Variants in PPP3CA observed in about 807,000 individuals in gnomAD.
PPP3CA encodes the protein CAM-PRP catalytic subunit.
In PPP3CA, 14 loss-of-function variants were observed where a neutral mutation model predicts 66.5. That is an observed-to-expected ratio of 0.21 (90% CI 0.14 to 0.33). The LOEUF (loss-of-function observed/expected upper bound fraction) is 0.33, where lower values mean the gene tolerates loss of function less well. Among genes scored for constraint, PPP3CA ranks in the 10% least tolerant of loss-of-function variants. The pLI, the probability that PPP3CA is intolerant of heterozygous loss-of-function variation, is 1.00. For missense variants in PPP3CA, 317 were observed against 639.5 expected (o/e 0.50, Z 5.44); for synonymous variants, 232 against 226.2 (o/e 1.03, Z -0.23).
intron 1 of PPP3CA, among the ~76,000 whole-genome samples, chr4:101,219,225 A>AAGCAAAAT (rs1725548223): frequency 6.6e-6 from 1 of 152,032 alleles, no homozygotes; most frequent in East Asian, 1.9e-4. Context: ...TACTATGTAT[A>AAGCAAAAT]ATCCAGATTA....
chr4:101,113,164 C>A (rs1282650891), intron 2 of PPP3CA, among the ~76,000 whole-genome samples: 1 of 152,124 alleles, frequency 6.6e-6, no homozygotes, highest in Non-Finnish European at 1.5e-5. Context: ...GAATGTGGAA[C>A]CTCCATACAT....
At chr4:101,089,808 T>G (rs1456998687) in intron 6 of PPP3CA, among the ~76,000 whole-genome samples, 1 of 152,198 alleles carries the variant, frequency 6.6e-6, no homozygotes, top group African/African-American at 2.4e-5. Context: ...AATGGTACAT[T>G]GGGGCAAAAT....
intron 1 of PPP3CA, among the ~76,000 whole-genome samples, chr4:101,340,223 G>C (rs1352561728): frequency 6.6e-6 from 1 of 152,136 alleles, no homozygotes; most frequent in African/African-American, 2.4e-5. Context: ...GCAAGAGACA[G>C]AAGTTCACAG....
rs143534605 is a variant in PPP3CA at position 101,318,726 on chromosome 4, G to T, written c.58+28013C>A. ...TAAGGAAGAGATTCAGGTTTCATAG[G>T]TTCTTAAAGTTGGGGTCCAAAACCT... On this transcript the variant is annotated intron_variant, in intron 1 of 13. Coordinates refer to ENST00000394854, the MANE Select transcript of PPP3CA (RefSeq NM_000944.5). Among the ~76,000 whole-genome samples, 524 of 152,176 alleles carry T rather than the reference G, an allele frequency of 3.4e-3. 9 individuals are homozygous for T. The highest frequency in any genetic ancestry group is 0.012 in the African/African-American group (493 of 41,540).
intron 1 of PPP3CA, among the ~76,000 whole-genome samples, chr4:101,272,958 A>G (rs571275023): frequency 2.1e-4 from 32 of 152,356 alleles, no homozygotes; most frequent in Non-Finnish European, 4.1e-4. Flanking sequence ...TAAAGCAGGA[A>G]GGGAGCAGAA....
At position 101,161,414 on chromosome 4, in the gene PPP3CA, T is replaced by A. The variant is rs114888660; in HGVS notation, c.259+34502A>T. On this transcript the variant is annotated intron_variant, in intron 2 of 13. Transcript: ENST00000394854. The stretch of plus-strand genomic sequence containing the variant: ...CATAAGGTGCTGTAATATGGTATAA[T>A]ACATTATACATTTTTCTCAGGCTAT... 8.3e-3 allele frequency among the ~76,000 whole-genome samples: 1,259 copies of A among 152,250 alleles called. 22 individuals carry two copies. The highest frequency in any genetic ancestry group is 0.029 in the African/African-American group (1,209 of 41,510).
At chr4:101,264,376 A>G (rs1727103037) in intron 1 of PPP3CA, among the ~76,000 whole-genome samples, 1 of 152,170 alleles carries the variant, frequency 6.6e-6, no homozygotes, top group East Asian at 1.9e-4. Context: ...TTTAATCTTT[A>G]GTTTAATATG....
chr4:101,036,038 A>T (rs1727230627), intron 11 of PPP3CA, among the ~76,000 whole-genome samples: 1 of 152,318 alleles, frequency 6.6e-6, no homozygotes, highest in Middle Eastern at 3.4e-3. Context: ...GACTAGTCGA[A>T]TTAAGATGTG....
At chr4:101,332,408 A>G (rs369796056) in intron 1 of PPP3CA, among the ~76,000 whole-genome samples, 2 of 152,330 alleles carry the variant, frequency 1.3e-5, no homozygotes, top group African/African-American at 4.8e-5. Context: ...ATGAAAGCCA[A>G]TGAGGACAAC....
At chr4:101,033,954 C>G (rs1032536711) in intron 11 of PPP3CA, among the ~76,000 whole-genome samples, 2 of 152,170 alleles carry the variant, frequency 1.3e-5, no homozygotes, top group African/African-American at 4.8e-5. Flanking sequence ...AATGGTCTCT[C>G]TGCTCCATCC....
At chr4:101,326,906 TAGC>T (rs1729226355) in intron 1 of PPP3CA, among the ~76,000 whole-genome samples, 1 of 152,346 alleles carries the variant, frequency 6.6e-6, no homozygotes, top group South Asian at 2.1e-4. Flanking sequence ...CTTCTGGGGC[TAGC>T]TCTTCACAGG....
At chr4:101,216,961 A>T (rs953860606) in intron 1 of PPP3CA, among the ~76,000 whole-genome samples, 5 of 152,206 alleles carry the variant, frequency 3.3e-5, no homozygotes, top group Non-Finnish European at 5.9e-5. Flanking sequence ...TCCTTCCTAA[A>T]GTCACGTTCA....
chr4:101,045,582 A>G (rs1727728090), intron 10 of PPP3CA, among the ~76,000 whole-genome samples: 1 of 152,238 alleles, frequency 6.6e-6, no homozygotes, highest in Admixed American at 6.5e-5. Context: ...TTAAATGTGT[A>G]AAGGCAGCAA....
intron 2 of PPP3CA, among the ~76,000 whole-genome samples, chr4:101,151,156 G>A (rs972699414): frequency 1.3e-5 from 2 of 152,140 alleles, no homozygotes; most frequent in African/African-American, 2.4e-5. Context: ...CACACAGACC[G>A]TGACCATGGA....
intron 1 of PPP3CA, among the ~76,000 whole-genome samples, chr4:101,299,078 G>A (rs1728288709): frequency 2.8e-5 from 4 of 143,262 alleles, no homozygotes; most frequent in Admixed American, 1.4e-4. Flanking sequence ...TAATTGATCT[G>A]CAATGTCAAT....
At chr4:101,243,243 G>A (rs550435817) in intron 1 of PPP3CA, among the ~76,000 whole-genome samples, 5 of 152,224 alleles carry the variant, frequency 3.3e-5, no homozygotes, top group East Asian at 1.9e-4. Context: ...CATATACACC[G>A]TTTGTGTGCA....
Position 101,346,971 on chromosome 4 carries a change from G to C in PPP3CA, c.-175C>G. ...TTTAAAGTTGCTGCCTTTTCCGCGC[G>C]TCCCTCCTCCGCCGCCGCCGCCTTC... On this transcript the variant is annotated 5_prime_UTR_variant, in exon 1 of 14. Transcript: ENST00000394854. The C allele has an allele frequency of 5.8e-6, 4 of 692,334 alleles. No individual in the cohort carries two copies. The highest frequency in any genetic ancestry group is 7.1e-6 in the Non-Finnish European group (3 of 419,902). 42.9% of individuals were successfully genotyped at this position (692,334 alleles called of 1,614,324 possible).
At chr4:101,322,770 A>C (rs1729081861) in intron 1 of PPP3CA, among the ~76,000 whole-genome samples, 2 of 152,054 alleles carry the variant, frequency 1.3e-5, no homozygotes, top group African/African-American at 4.8e-5. Flanking sequence ...ATGAGAAATA[A>C]ATTTTTGTTT....
chr4:101,071,881 C>T (rs1314329685), intron 8 of PPP3CA, among the ~76,000 whole-genome samples: 2 of 152,110 alleles, frequency 1.3e-5, no homozygotes, highest in Admixed American at 6.5e-5. Context: ...TCTGTTGGCA[C>T]AAAGATACAG....
Sources: allele counts gnomAD v4.1 joint callset (sites outside exome capture counted in the v4.1 genomes callset), GRCh38; gene constraint gnomAD v4.1.1; transcripts MANE v1.5; gene names NCBI Gene and HGNC (gene_info 2026-07-23, HGNC 2026-07-21).